RALGAPA1: variants seen among roughly 807,000 people sequenced by gnomAD.
RALGAPA1 encodes Ral GTPase activating protein catalytic subunit alpha 1.
RALGAPA1 carries 52 observed loss-of-function variants against 269.6 expected under a neutral mutation model. The observed-to-expected ratio is 0.19, with a 90% CI of 0.15 to 0.24. The LOEUF is 0.24. Among genes scored for constraint, RALGAPA1 ranks in the 10% least tolerant of loss-of-function variants. The pLI is 1.00. For synonymous variants in RALGAPA1, 817 were observed against 1,008.3 expected (o/e 0.81, Z 3.60); for missense variants, 1,917 against 3,013.9 (o/e 0.64, Z 8.52).
At chr14:35,633,392 T>G (rs2061479800) in intron 33 of RALGAPA1, among the ~76,000 whole-genome samples, 1 of 152,190 alleles carries the variant, frequency 6.6e-6, no homozygotes, top group Non-Finnish European at 1.5e-5. Context: ...CTTTTATATT[T>G]GAGAAACAAT....
chr14:35,625,335 T>G (rs897467165), intron 35 of RALGAPA1, 26 bp downstream of exon 35: 1 of 1,504,748 alleles, frequency 6.6e-7, no homozygotes, highest in African/African-American at 1.4e-5. Flanking sequence ...AGTTGCTAGT[T>G]ATGTGAAGAT....
chr14:35,664,527 G>T, intron 27 of RALGAPA1, 115 bp downstream of exon 27: 1 of 851,210 alleles, frequency 1.2e-6, no homozygotes, highest in Non-Finnish European at 1.8e-6. Context: ...TATGGCTAAT[G>T]TTCTTTAACA....
At chr14:35,759,545 C>A in intron 6 of RALGAPA1, among the ~76,000 whole-genome samples, 1 of 146,810 alleles carries the variant, frequency 6.8e-6, no homozygotes, top group Non-Finnish European at 1.5e-5. Flanking sequence ...ATAACTTTAA[C>A]TTATTTAAAT....
At chr14:35,662,198 G>A (rs1381365993) in intron 27 of RALGAPA1, among the ~76,000 whole-genome samples, 13 of 152,144 alleles carry the variant, frequency 8.5e-5, no homozygotes, top group Admixed American at 7.9e-4. Context: ...TAGATAAACA[G>A]GATTTTGAAA....
At chr14:35,549,049 C>A (rs1594518170) in intron 40 of RALGAPA1, 61 bp downstream of exon 40, 1 of 1,555,010 alleles carries the variant, frequency 6.4e-7, no homozygotes, top group South Asian at 1.2e-5. Context: ...GTTTTTAGAA[C>A]AAAAGGGTAC....
intron 16 of RALGAPA1, chr14:35,715,642 T>A (rs2068747876): frequency 1.2e-6 from 1 of 801,244 alleles, no homozygotes; most frequent in Non-Finnish European, 1.5e-6. Context: ...GAGGCCTAAC[T>A]GAGAGTGAAT....
intron 35 of RALGAPA1, among the ~76,000 whole-genome samples, chr14:35,623,430 CA>C (rs2060778658): frequency 6.6e-6 from 1 of 151,160 alleles, no homozygotes; most frequent in African/African-American, 2.4e-5. Flanking sequence ...AAAAGAACAC[CA>C]ACAGAGAATT....
chr14:35,772,087 A>T (rs1280225258), intron 3 of RALGAPA1, among the ~76,000 whole-genome samples: 1 of 151,840 alleles, frequency 6.6e-6, no homozygotes, highest in Non-Finnish European at 1.5e-5. Context: ...TGGGGGTTTC[A>T]CCCTTTCACC....
chr14:35,635,817 G>GT, intron 31 of RALGAPA1, among the ~76,000 whole-genome samples: 1 of 152,184 alleles, frequency 6.6e-6, no homozygotes, highest in East Asian at 1.9e-4. Flanking sequence ...TAATGAAACA[G>GT]TAAGCATAAT....
At chr14:35,650,680 G>A (rs1165773262) in intron 31 of RALGAPA1, among the ~76,000 whole-genome samples, 1 of 152,170 alleles carries the variant, frequency 6.6e-6, no homozygotes, top group Non-Finnish European at 1.5e-5. Flanking sequence ...TCAGATTTCT[G>A]TAAATTAATA....
chr14:35,620,988 C>T (rs906660861), intron 35 of RALGAPA1, among the ~76,000 whole-genome samples: 4 of 152,180 alleles, frequency 2.6e-5, no homozygotes, highest in Non-Finnish European at 5.9e-5. Context: ...CAGTGACTTT[C>T]TTCACAGAAT....
chr14:35,751,810 AAC>A (rs536589470), intron 8 of RALGAPA1, among the ~76,000 whole-genome samples: 61 of 104,618 alleles, frequency 5.8e-4, no homozygotes, highest in African/African-American at 2.2e-3. Flanking sequence ...CAACAACAAC[AAC>A]AAAAAAAAAC....
intron 33 of RALGAPA1, among the ~76,000 whole-genome samples, chr14:35,631,644 T>C (rs944054997): frequency 6.6e-6 from 1 of 152,020 alleles, no homozygotes; most frequent in Non-Finnish European, 1.5e-5. Flanking sequence ...GAAACCACCA[T>C]AGAAAAGAGA....
chr14:35,627,352 G>T lies in RALGAPA1; in HGVS notation c.6595C>A (p.Pro2199Thr), dbSNP rs1354526655. The change falls in exon 34 of 42, where the codon CCT becomes ACT. Residue 2199 changes from proline to threonine, a missense_variant. Pro to Thr is a conservative substitution (Grantham distance 38). Around this residue, in one of 11 missense-constraint regions of RALGAPA1, gnomAD observed 132 missense variants for 271.2 expected, o/e 0.49. Coordinates refer to ENST00000680220, the MANE Select transcript of RALGAPA1 (RefSeq NM_001346249.2). ...ELLQYLGVTS[P>T]ECLQRTGISL... ...ATTCCAGTTCTCTGTAAGCATTCAG[G>T]ACTAGTAACACCCAAATACTGCAAG... 6.2e-7 allele frequency: 1 copy of T among 1,613,856 alleles called. No individual in the cohort carries two copies. Among genetic ancestry groups the T allele is most frequent in the African/African-American group, 1.3e-5 (1 of 74,902 alleles).
At chr14:35,622,097 A>G (rs879345179) in intron 35 of RALGAPA1, among the ~76,000 whole-genome samples, 12 of 152,234 alleles carry the variant, frequency 7.9e-5, no homozygotes, top group Non-Finnish European at 1.2e-4. Flanking sequence ...CACAATAGCA[A>G]AGACTTGGAA....
intron 1 of RALGAPA1, among the ~76,000 whole-genome samples, chr14:35,776,258 G>C (rs774203468): frequency 2.7e-4 from 41 of 152,126 alleles, no homozygotes; most frequent in Middle Eastern, 3.4e-3. Context: ...GCGTGCACCT[G>C]TAATCCCAGC....
intron 39 of RALGAPA1, among the ~76,000 whole-genome samples, chr14:35,569,316 T>C (rs962859039): frequency 6.6e-6 from 1 of 152,176 alleles, no homozygotes; most frequent in Non-Finnish European, 1.5e-5. Context: ...TTAAATCATA[T>C]AGAAAAATTA....
chr14:35,759,911 C>CAAAAA (rs34611097), intron 6 of RALGAPA1, among the ~76,000 whole-genome samples: 2 of 93,442 alleles, frequency 2.1e-5, no homozygotes, highest in African/African-American at 3.4e-5. Context: ...GATTCTATCT[C>CAAAAA]AAAAAAAAAA....
intron 3 of RALGAPA1, among the ~76,000 whole-genome samples, chr14:35,774,712 A>C (rs886524882): frequency 6.6e-6 from 1 of 152,212 alleles, no homozygotes; most frequent in Non-Finnish European, 1.5e-5. Flanking sequence ...TTTCCATTTC[A>C]GTAAACCTTC....
Sources: gnomAD v4.1 joint callset for allele counts (sites outside exome capture counted in the v4.1 genomes callset) on GRCh38, gnomAD v4.1.1 for gene constraint, gnomAD v4.1.1 regional missense constraint, MANE v1.5 for transcripts, NCBI Gene and HGNC (gene_info 2026-07-23, HGNC 2026-07-21) for gene names.